Variants in SNTG1 observed in about 807,000 individuals in gnomAD.
SNTG1 encodes syntrophin gamma 1.
SNTG1 carries 39 observed loss-of-function variants against 74.7 expected under a neutral mutation model. The ratio of observed to expected loss-of-function variants is 0.52; its 90% CI spans 0.40 to 0.68. The LOEUF (loss-of-function observed/expected upper bound fraction) is 0.68. SNTG1 is among the 30% of genes least tolerant of loss of function. The probability of loss-of-function intolerance (pLI) is 0.00; values close to 1 mark genes in which losing one functional copy is unlikely to be tolerated. For missense variants in SNTG1, 685 were observed against 609.5 expected, an observed-to-expected ratio of 1.12 and a Z score of -1.30; for synonymous variants, 254 against 217.1, an observed-to-expected ratio of 1.17 and a Z score of -1.49.
At chr8:50,327,066 A>T (rs1205799347) in intron 2 of SNTG1, among the ~76,000 whole-genome samples, 2 of 151,966 alleles carry the variant, frequency 1.3e-5, no homozygotes, top group African/African-American at 4.8e-5. Context: ...ATATTGTATG[A>T]TTTCTGTTCT....
At chr8:49,987,237 T>G (rs573739379) in intron 1 of SNTG1, among the ~76,000 whole-genome samples, 1 of 152,228 alleles carries the variant, frequency 6.6e-6, no homozygotes, top group South Asian at 2.1e-4. Flanking sequence ...TACAAAATCA[T>G]AGGATGCCTG....
chr8:50,629,847 A>G (rs1046597385), intron 13 of SNTG1, among the ~76,000 whole-genome samples: 4 of 152,168 alleles, frequency 2.6e-5, no homozygotes, highest in African/African-American at 9.6e-5. Context: ...CTTATAACCC[A>G]AAACTATAGG....
chr8:50,313,795 T>C (rs147180393), intron 2 of SNTG1, among the ~76,000 whole-genome samples: 1 of 149,908 alleles, frequency 6.7e-6, no homozygotes, highest in African/African-American at 2.5e-5. Flanking sequence ...TTGACAGTGA[T>C]CAATATCTTC....
At chr8:50,018,496 G>T (rs1816539101) in intron 1 of SNTG1, among the ~76,000 whole-genome samples, 2 of 151,886 alleles carry the variant, frequency 1.3e-5, no homozygotes, top group Admixed American at 1.3e-4. Flanking sequence ...ACACAAAATG[G>T]ACTGTAGACA....
chr8:50,464,890 T>C (rs2093596062), intron 8 of SNTG1, among the ~76,000 whole-genome samples: 1 of 150,076 alleles, frequency 6.7e-6, no homozygotes, highest in Admixed American at 6.7e-5. Flanking sequence ...ACTGAAAAAG[T>C]CAAAATATTG....
At chr8:50,455,201 A>G (rs1467754124) in intron 8 of SNTG1, among the ~76,000 whole-genome samples, 1 of 152,202 alleles carries the variant, frequency 6.6e-6, no homozygotes, top group Non-Finnish European at 1.5e-5. Context: ...CTATTCGTAT[A>G]ACTGAAATTT....
intron 15 of SNTG1, among the ~76,000 whole-genome samples, chr8:50,697,218 C>T (rs917555798): frequency 2.6e-5 from 4 of 151,916 alleles, no homozygotes; most frequent in African/African-American, 7.2e-5. Context: ...AGATTGCCCT[C>T]CTTTCAACTG....
At chr8:50,313,597 A>C (rs544028203) in intron 2 of SNTG1, among the ~76,000 whole-genome samples, 2 of 149,972 alleles carry the variant, frequency 1.3e-5, no homozygotes, top group Non-Finnish European at 2.9e-5. Context: ...AATAGAAACC[A>C]AAATGAGCTA....
At chr8:50,156,980 G>C (rs2082274144) in intron 1 of SNTG1, among the ~76,000 whole-genome samples, 1 of 152,060 alleles carries the variant, frequency 6.6e-6, no homozygotes, top group African/African-American at 2.4e-5. Context: ...GTTCATAGCA[G>C]TTTTTCATAT....
intron 9 of SNTG1, among the ~76,000 whole-genome samples, chr8:50,524,033 G>C (rs558548290): frequency 6.6e-6 from 1 of 152,012 alleles, no homozygotes; most frequent in Non-Finnish European, 1.5e-5. Context: ...ATGTCTTATA[G>C]TTACAGTGCC....
intron 2 of SNTG1, among the ~76,000 whole-genome samples, chr8:50,189,137 A>T (rs2083479282): frequency 6.6e-6 from 1 of 152,200 alleles, no homozygotes; most frequent in Non-Finnish European, 1.5e-5. Context: ...CTAGACAAGG[A>T]TATTTTGACA....
intron 2 of SNTG1, among the ~76,000 whole-genome samples, chr8:50,346,857 A>G (rs1214961682): frequency 6.6e-6 from 1 of 152,252 alleles, no homozygotes; most frequent in Non-Finnish European, 1.5e-5. Context: ...AAGAGAAGGT[A>G]TGGCTGAAGG....
At chr8:50,232,328 T>A (rs4443675) in intron 2 of SNTG1, among the ~76,000 whole-genome samples, 1 of 151,208 alleles carries the variant, frequency 6.6e-6, no homozygotes, top group Non-Finnish European at 1.5e-5. Context: ...CATTATTTTA[T>A]CAGGCTAAAA....
intron 17 of SNTG1, among the ~76,000 whole-genome samples, chr8:50,750,193 A>G (rs1238036203): frequency 6.6e-6 from 1 of 151,984 alleles, no homozygotes; most frequent in African/African-American, 2.4e-5. Flanking sequence ...GAAGGAAGTA[A>G]ATGCAAATGC....
At chr8:50,681,517 A>G (rs549772900) in intron 15 of SNTG1, among the ~76,000 whole-genome samples, 41 of 152,308 alleles carry the variant, frequency 2.7e-4, no homozygotes, top group South Asian at 2.3e-3. Context: ...TAGTTCTTAT[A>G]CATAATACAT....
intron 10 of SNTG1, 121 bp downstream of exon 10, chr8:50,530,380 T>C: frequency 2.0e-6 from 2 of 984,044 alleles, no homozygotes; most frequent in Non-Finnish European, 3.0e-6. Flanking sequence ...CATTTAAGAA[T>C]TATGATAAAC....
intron 12 of SNTG1, among the ~76,000 whole-genome samples, chr8:50,558,368 T>C (rs80090183): frequency 0.043 from 6,604 of 152,242 alleles, 265 homozygotes; most frequent in African/African-American, 0.097. Flanking sequence ...CAGCAAGACA[T>C]GCTCTCTCAG....
At chr8:50,108,491 G>A (rs563359099) in intron 1 of SNTG1, among the ~76,000 whole-genome samples, 11 of 152,156 alleles carry the variant, frequency 7.2e-5, no homozygotes, top group South Asian at 4.1e-4. Context: ...GGTGGTAAAC[G>A]TATTTTCAAT....
intron 4 of SNTG1, among the ~76,000 whole-genome samples, chr8:50,411,920 T>C (rs1381305796): frequency 1.3e-5 from 2 of 152,134 alleles, no homozygotes; most frequent in African/African-American, 4.8e-5. Flanking sequence ...TTCCATAGTC[T>C]GGGCAGCAGT....
Sources: gnomAD v4.1 joint callset for allele counts (sites outside exome capture counted in the v4.1 genomes callset) on GRCh38, gnomAD v4.1.1 for gene constraint, MANE v1.5 for transcripts, NCBI Gene and HGNC (gene_info 2026-07-23, HGNC 2026-07-21) for gene names.